Variants in DIAPH3 observed in about 807,000 individuals in gnomAD.
DIAPH3 encodes diaphanous related formin 3.
DIAPH3 carries 117 observed loss-of-function variants against 144.3 expected under a neutral mutation model. The ratio of observed to expected loss-of-function variants is 0.81; its 90% CI spans 0.70 to 0.95. The LOEUF (loss-of-function observed/expected upper bound fraction) is 0.95. Among genes scored for constraint, DIAPH3 ranks in the 40% least tolerant of loss-of-function variants. DIAPH3 has a pLI of 0.00. For missense variants in DIAPH3, 1,421 were observed against 1,412.7 expected (o/e 1.01, Z -0.09); for synonymous variants, 519 against 488.9 (o/e 1.06, Z -0.81).
At chr13:59,818,511 A>T (rs889839775) in intron 24 of DIAPH3, among the ~76,000 whole-genome samples, 2 of 151,628 alleles carry the variant, frequency 1.3e-5, no homozygotes, top group Non-Finnish European at 3.0e-5. Flanking sequence ...AGTGTTCTGC[A>T]GCTTCATTAT....
chr13:60,051,581 T>C (rs1030361534), intron 4 of DIAPH3, among the ~76,000 whole-genome samples: 1 of 151,852 alleles, frequency 6.6e-6, no homozygotes, highest in Admixed American at 6.6e-5. Context: ...GATCACACCA[T>C]TGCACTCCAG....
At chr13:59,891,114 A>T (rs2045765253) in intron 20 of DIAPH3, among the ~76,000 whole-genome samples, 1 of 152,074 alleles carries the variant, frequency 6.6e-6, no homozygotes, top group African/African-American at 2.4e-5. Context: ...AGGTAAAGCA[A>T]ATCTCAAACC....
chr13:59,861,773 T>C (rs1210112330), intron 21 of DIAPH3, among the ~76,000 whole-genome samples: 3 of 152,178 alleles, frequency 2.0e-5, no homozygotes, highest in Non-Finnish European at 4.4e-5. Context: ...TGCAATGTTT[T>C]ATAGAAAAAA....
chr13:59,860,940 C>G (rs1035985568), intron 22 of DIAPH3, among the ~76,000 whole-genome samples: 3 of 152,008 alleles, frequency 2.0e-5, no homozygotes, highest in African/African-American at 4.8e-5. Flanking sequence ...GAAACTCTGG[C>G]AGTATGGTGT....
At chr13:59,926,623 ATAT>A (rs1166462588) in intron 17 of DIAPH3, among the ~76,000 whole-genome samples, 1 of 152,206 alleles carries the variant, frequency 6.6e-6, no homozygotes, top group Non-Finnish European at 1.5e-5. Context: ...TATAATTTCC[ATAT>A]TATTTGTAAA....
chr13:60,006,880 C>G (rs536537454), intron 9 of DIAPH3, among the ~76,000 whole-genome samples: 4 of 152,272 alleles, frequency 2.6e-5, no homozygotes, highest in South Asian at 4.2e-4. Context: ...AAGGGGCTCT[C>G]TTACAGAGGT....
intron 27 of DIAPH3, among the ~76,000 whole-genome samples, chr13:59,689,439 G>C (rs2033392476): frequency 6.6e-6 from 1 of 151,988 alleles, no homozygotes; most frequent in Non-Finnish European, 1.5e-5. Flanking sequence ...AACAAACAGA[G>C]TCGTCATCAG....
intron 25 of DIAPH3, 35 bp downstream of exon 25, chr13:59,810,753 T>C (rs751644273): frequency 6.2e-7 from 1 of 1,604,590 alleles, no homozygotes; most frequent in East Asian, 2.2e-5. Context: ...ATCTTAAGTA[T>C]ACATAGAATA....
chr13:59,970,712 A>C (rs1235569971), intron 16 of DIAPH3, 140 bp downstream of exon 16: 3 of 733,202 alleles, frequency 4.1e-6, no homozygotes, highest in Non-Finnish European at 6.1e-6. Flanking sequence ...TGTCACTTTG[A>C]TTAGTGACAT....
chr13:59,878,616 A>G (rs1233289644), intron 21 of DIAPH3, among the ~76,000 whole-genome samples: 1 of 152,148 alleles, frequency 6.6e-6, no homozygotes, highest in Non-Finnish European at 1.5e-5. Context: ...AACATTGAAT[A>G]TATTTGCTGT....
At chr13:60,061,552 C>T (rs149461259) in intron 4 of DIAPH3, among the ~76,000 whole-genome samples, 3 of 149,390 alleles carry the variant, frequency 2.0e-5, no homozygotes, top group African/African-American at 7.3e-5. Context: ...AAAAAAAAAT[C>T]AAGAAAGAAA....
At chr13:59,916,117 A>G (rs2047205423) in intron 19 of DIAPH3, 38 bp downstream of exon 19, 2 of 1,541,846 alleles carry the variant, frequency 1.3e-6, no homozygotes, top group Non-Finnish European at 1.8e-6. Context: ...GAAGCTTGCA[A>G]TGAAATATTG....
intron 4 of DIAPH3, among the ~76,000 whole-genome samples, chr13:60,046,695 C>A (rs932847440): frequency 6.6e-6 from 1 of 152,112 alleles, no homozygotes; most frequent in Non-Finnish European, 1.5e-5. Context: ...CAGCACTGTT[C>A]ACAATAGCAA....
chr13:59,705,950 T>C (rs1486092542), intron 27 of DIAPH3, among the ~76,000 whole-genome samples: 1 of 151,866 alleles, frequency 6.6e-6, no homozygotes, highest in Non-Finnish European at 1.5e-5. Flanking sequence ...ACTTTGGTTT[T>C]CCTCATTTAC....
chr13:59,913,956 A>G (rs543935668), intron 19 of DIAPH3, among the ~76,000 whole-genome samples: 1 of 148,288 alleles, frequency 6.7e-6, no homozygotes, highest in African/African-American at 2.5e-5. Flanking sequence ...ACTCTGTCTC[A>G]AAAAAAAAAC....
At position 59,951,902 on chromosome 13, in the gene DIAPH3, C is replaced by T. The variant is rs117389994; in HGVS notation, c.2074+18042G>A. 7.9e-4 allele frequency among the ~76,000 whole-genome samples: 121 copies of T among 152,228 alleles called. No homozygotes were observed. The East Asian group carries it at 0.021, about 26-fold the overall frequency. On this transcript the variant is annotated intron_variant, in intron 17 of 27. Coordinates refer to ENST00000400324, the MANE Select transcript of DIAPH3 (RefSeq NM_001042517.2). ...AGAATTACCAAATAATACAGCAATTCCAATCCAAAGTATTTATCCAAAAGA... is the reference window on the plus strand; with the variant it reads ...AGAATTACCAAATAATACAGCAATTTCAATCCAAAGTATTTATCCAAAAGA...
intron 27 of DIAPH3, among the ~76,000 whole-genome samples, chr13:59,765,918 C>G (rs1022580130): frequency 1.1e-4 from 16 of 152,236 alleles, no homozygotes; most frequent in Admixed American, 9.2e-4. Flanking sequence ...TTGGCACATG[C>G]CTGGAAGAAA....
chr13:59,883,590 T>C (rs2045231827), intron 20 of DIAPH3, among the ~76,000 whole-genome samples: 1 of 152,166 alleles, frequency 6.6e-6, no homozygotes, highest in South Asian at 2.1e-4. Flanking sequence ...ATCTACTTTG[T>C]AGATATCACA....
chr13:59,902,079 T>C (rs2046466215), intron 20 of DIAPH3, among the ~76,000 whole-genome samples: 2 of 152,232 alleles, frequency 1.3e-5, no homozygotes, highest in African/African-American at 2.4e-5. Flanking sequence ...AATGTCACTA[T>C]ATTTGGTTAA....
Sources: gnomAD v4.1 joint callset for allele counts (sites outside exome capture counted in the v4.1 genomes callset) on GRCh38, gnomAD v4.1.1 for gene constraint, MANE v1.5 for transcripts, NCBI Gene and HGNC (gene_info 2026-07-23, HGNC 2026-07-21) for gene names.